ARFGAP3: variants seen among roughly 807,000 people sequenced by gnomAD.
ARFGAP3 encodes the protein ADP-ribosylation factor GTPase-activating protein 3.
A neutral mutation model predicts 75.0 loss-of-function variants in ARFGAP3; 72 were observed. The observed-to-expected ratio is 0.96, with a 90% CI of 0.79 to 1.17. The LOEUF (loss-of-function observed/expected upper bound fraction) is 1.17, where lower values mean the gene tolerates loss of function less well. Among genes scored for constraint, ARFGAP3 ranks in the 50% most tolerant of loss-of-function variants. The probability of loss-of-function intolerance (pLI) is 0.00; values close to 1 mark genes in which losing one functional copy is unlikely to be tolerated. For missense variants in ARFGAP3, 620 were observed against 626.6 expected, an observed-to-expected ratio of 0.99 and a Z score of 0.11; for synonymous variants, 221 against 217.9, an observed-to-expected ratio of 1.01 and a Z score of -0.13.
At chr22:42,838,979 G>A (rs192682242) in intron 3 of ARFGAP3, among the ~76,000 whole-genome samples, 1,797 of 151,372 alleles carry the variant, frequency 0.012, 47 homozygotes, top group Admixed American at 0.067. Context: ...GTGTGGTGGC[G>A]GGCGCCTGTA....
At chr22:42,820,481 CG>C (rs1555897290) in intron 9 of ARFGAP3, among the ~76,000 whole-genome samples, 5 of 152,152 alleles carry the variant, frequency 3.3e-5, no homozygotes, top group Non-Finnish European at 2.9e-5. Flanking sequence ...TAAGACAGTA[CG>C]AAAAGTAGTT....
At chr22:42,853,169 GTTTC>G (rs1927354855) in intron 1 of ARFGAP3, among the ~76,000 whole-genome samples, 3 of 152,216 alleles carry the variant, frequency 2.0e-5, no homozygotes, top group African/African-American at 4.8e-5. Flanking sequence ...TATAATAAGA[GTTTC>G]TTTCTGATTC....
intron 2 of ARFGAP3, among the ~76,000 whole-genome samples, chr22:42,845,422 G>A (rs1926969428): frequency 6.6e-6 from 1 of 151,670 alleles, no homozygotes; most frequent in Non-Finnish European, 1.5e-5. Context: ...CTACTTAGGA[G>A]ACTGAGGGCA....
chr22:42,802,157 G>C (rs963960265), intron 14 of ARFGAP3, among the ~76,000 whole-genome samples: 6 of 152,082 alleles, frequency 3.9e-5, no homozygotes, highest in Non-Finnish European at 7.4e-5. Flanking sequence ...GGAGGCAGGA[G>C]GACCAAGCAG....
At chr22:42,808,440 T>C (rs1375640244) in intron 13 of ARFGAP3, among the ~76,000 whole-genome samples, 1 of 151,462 alleles carries the variant, frequency 6.6e-6, no homozygotes, top group Non-Finnish European at 1.5e-5. Flanking sequence ...CATTTCACTA[T>C]GTTTAAAAGT....
Position 42,797,254 on chromosome 22 carries a change from C to T in ARFGAP3, c.*334G>A. Reference sequence around the variant, plus strand: ...CACATGGAGACCTCTCCTCCTCCCCCACATGAAGCCTCCTGGTTCAGGAGC... The same window carrying T: ...CACATGGAGACCTCTCCTCCTCCCCTACATGAAGCCTCCTGGTTCAGGAGC... On this transcript the variant is annotated 3_prime_UTR_variant, in exon 16 of 16. Coordinates refer to ENST00000263245, the MANE Select transcript of ARFGAP3 (RefSeq NM_014570.5). 6.4e-6 allele frequency: 2 copies of T among 313,618 alleles called. No homozygotes were observed. The highest frequency in any genetic ancestry group is 1.2e-5 in the Non-Finnish European group (2 of 169,196). The allele number at this position is 313,618 out of a possible 1,614,324, so 19.4% of individuals were successfully genotyped here.
At chr22:42,807,025 T>C in intron 14 of ARFGAP3, 48 bp downstream of exon 14, 1 of 1,530,116 alleles carries the variant, frequency 6.5e-7, no homozygotes, top group Non-Finnish European at 8.8e-7. Flanking sequence ...TGAAATGTGT[T>C]CATACCGTAG....
At chr22:42,836,465 G>C (rs1926525988) in intron 3 of ARFGAP3, among the ~76,000 whole-genome samples, 1 of 152,152 alleles carries the variant, frequency 6.6e-6, no homozygotes, top group African/African-American at 2.4e-5. Context: ...ATGGATTCCA[G>C]TAAATCAGAA....
intron 5 of ARFGAP3, among the ~76,000 whole-genome samples, chr22:42,833,753 T>A (rs1020091871): frequency 1.6e-4 from 24 of 151,786 alleles, no homozygotes; most frequent in African/African-American, 5.3e-4. Flanking sequence ...CGAAACTCCA[T>A]CTCAAAAAAA....
intron 1 of ARFGAP3, 72 bp downstream of exon 1, chr22:42,857,042 T>C (rs1217099450): frequency 7.0e-6 from 10 of 1,430,306 alleles, no homozygotes; most frequent in Non-Finnish European, 8.3e-6. Context: ...CCACGGGCAC[T>C]GGCGCCCGCG....
intron 12 of ARFGAP3, 55 bp from the exon 13 acceptor site, chr22:42,808,945 G>T: frequency 7.0e-7 from 1 of 1,426,612 alleles, no homozygotes; most frequent in South Asian, 1.7e-5. Context: ...AAGCAAATGT[G>T]TTTCATACTC....
At chr22:42,831,495 T>C in intron 6 of ARFGAP3, 54 bp downstream of exon 6, 2 of 1,559,470 alleles carry the variant, frequency 1.3e-6, no homozygotes, top group Non-Finnish European at 1.8e-6. Flanking sequence ...AATAGTTTCA[T>C]AGCATGCCAC....
At chr22:42,832,844 G>C (rs372767654) in intron 5 of ARFGAP3, among the ~76,000 whole-genome samples, 2 of 152,168 alleles carry the variant, frequency 1.3e-5, no homozygotes, top group South Asian at 4.1e-4. Flanking sequence ...AATTAGCCAG[G>C]TGTGGTGGCA....
In ARFGAP3 at chr22:42,799,072, G is replaced by A. The variant is rs540110730; in HGVS notation, c.1500C>T (p.Ser500=). The A allele has an allele frequency of 3.9e-5, 63 of 1,614,040 alleles. No individual in the cohort carries two copies. Among genetic ancestry groups the A allele is most frequent in the African/African-American group, 1.2e-4 (9 of 74,908 alleles). ...AAGTCACGACTCCATTAGCAAAGACGGAGAGTTTTCCAGCAACCGATCTCA... is the reference window on the plus strand; with the variant it reads ...AAGTCACGACTCCATTAGCAAAGACAGAGAGTTTTCCAGCAACCGATCTCA... ...QGVRSVAGKL[S]VFANGVVTSI... The change falls in exon 15 of 16, where the codon TCC becomes TCT. Residue 500 remains serine (S), a synonymous_variant. Transcript: ENST00000263245.
At chr22:42,845,011 A>G (rs1320100505) in intron 2 of ARFGAP3, among the ~76,000 whole-genome samples, 1 of 152,176 alleles carries the variant, frequency 6.6e-6, no homozygotes, top group Non-Finnish European at 1.5e-5. Flanking sequence ...GGAACACATC[A>G]TAAAACCACC....
chr22:42,849,727 T>C (rs1927188870), intron 1 of ARFGAP3, among the ~76,000 whole-genome samples: 1 of 151,956 alleles, frequency 6.6e-6, no homozygotes, highest in African/African-American at 2.4e-5. Context: ...TGCCCAGATT[T>C]TTTTTTTTCT....
In ARFGAP3 at chr22:42,799,168, C is replaced by T; in HGVS notation, c.1412-8G>A. 1.2e-6 allele frequency: 2 copies of T among 1,613,934 alleles called. No individual in the cohort carries two copies. Among genetic ancestry groups the T allele is most frequent in the Non-Finnish European group, 1.7e-6 (2 of 1,179,916 alleles). ...TGGACAGGCTGTAGTTCCCTGCACA[C>T]ACACAGCAGACACTGTCTCATCACT... On this transcript the variant is annotated splice_polypyrimidine_tract_variant and splice_region_variant and intron_variant, in intron 14 of 15. Transcript: ENST00000263245.
At chr22:42,800,095 C>T (rs368515150) in intron 14 of ARFGAP3, among the ~76,000 whole-genome samples, 11 of 152,294 alleles carry the variant, frequency 7.2e-5, no homozygotes, top group African/African-American at 2.6e-4. Flanking sequence ...AGCTGACAAT[C>T]AGGGGTTCAT....
intron 11 of ARFGAP3, among the ~76,000 whole-genome samples, chr22:42,816,508 G>A (rs1431778511): frequency 4.6e-5 from 7 of 152,156 alleles, no homozygotes; most frequent in African/African-American, 1.2e-4. Flanking sequence ...AGGTCCTTAC[G>A]AAGTGAACTG....
Sources: gnomAD v4.1 joint callset for allele counts (sites outside exome capture counted in the v4.1 genomes callset) on GRCh38, gnomAD v4.1.1 for gene constraint, MANE v1.5 for transcripts, NCBI Gene and HGNC (gene_info 2026-07-23, HGNC 2026-07-21) for gene names.